Variants in TFAP2A observed in about 807,000 individuals in gnomAD.
TFAP2A encodes the protein transcription factor AP-2 alpha.
TFAP2A carries 7 observed loss-of-function variants against 41.5 expected under a neutral mutation model. The observed-to-expected ratio is 0.17, with a 90% CI of 0.10 to 0.32. The LOEUF (loss-of-function observed/expected upper bound fraction) is 0.32, where lower values mean the gene tolerates loss of function less well. TFAP2A is among the 10% of genes least tolerant of loss of function. The pLI is 1.00. For missense variants in TFAP2A, 416 were observed against 563.3 expected (o/e 0.74, Z 2.65); for synonymous variants, 247 against 242.8 (o/e 1.02, Z -0.16).
rs1009464114 is a variant in TFAP2A, at chr6:10,409,957, A to G, written c.430T>C (p.Ser144Pro). 63 of 1,571,312 alleles carry G rather than the reference A, an allele frequency of 4.0e-5. No homozygotes were observed. The highest frequency in any genetic ancestry group is 5.3e-5 in the Non-Finnish European group (61 of 1,158,530). Reference protein sequence around the residue: ...DLLHGPHALSSGLGDLSIHSL... With the variant: ...DLLHGPHALSPGLGDLSIHSL... ...TGGATCGAGAGGTCTCCGAGTCCTG[A>G]GCTGAGCGCGTGTGGGCCGTGCAGG... is the stretch of plus-strand genomic sequence containing the variant. Residue 144 changes from serine to proline, a missense_variant, in exon 2 of 7, where the codon TCA (serine) becomes CCA (proline). Physicochemically the swap from Ser to Pro is moderately conservative, Grantham distance 74. Coordinates refer to ENST00000379613, the MANE Select transcript of TFAP2A (RefSeq NM_001372066.1).
intron 4 of TFAP2A, among the ~76,000 whole-genome samples, chr6:10,403,411 G>A (rs1757510431): frequency 1.3e-5 from 2 of 152,158 alleles, no homozygotes; most frequent in Admixed American, 6.5e-5. Flanking sequence ...CTGTGTCAGT[G>A]AAAGACTACA....
At chr6:10,400,242 A>C (rs1761957857) in intron 6 of TFAP2A, among the ~76,000 whole-genome samples, 1 of 151,542 alleles carries the variant, frequency 6.6e-6, no homozygotes, top group African/African-American at 2.4e-5. Context: ...AGTAAATGGG[A>C]CAGATGAGAG....
upstream of TFAP2A, chr6:10,415,866 T>G (rs1390085240): frequency 2.0e-5 from 3 of 152,264 alleles, no homozygotes; most frequent in East Asian, 1.9e-4. Context: ...GCGGCTCCGG[T>G]GGCTCTGCTG....
In TFAP2A at chr6:10,404,490, G is replaced by T. The variant is rs781703829; in HGVS notation, c.770+18C>A. 16 of 1,545,048 alleles carry T rather than the reference G, an allele frequency of 1.0e-5. No homozygotes were observed. In the Admixed American group the frequency reaches 2.3e-4, roughly 22 times the overall value. ...CCCGGCCGCGGGGCGGGGCGGGCGGGGCCGTGCCGGGCCTCACCTCCGGAG... is the reference window on the plus strand; with the variant it reads ...CCCGGCCGCGGGGCGGGGCGGGCGGTGCCGTGCCGGGCCTCACCTCCGGAG... On this transcript the variant is annotated intron_variant, in intron 4 of 6. Coordinates refer to ENST00000379613, the MANE Select transcript of TFAP2A (RefSeq NM_001372066.1).
At chr6:10,400,938 ATTCATAAT>A in intron 5 of TFAP2A, 1 of 450,100 alleles carries the variant, frequency 2.2e-6, no homozygotes, top group Non-Finnish European at 4.2e-6. Context: ...CATAAATGAT[ATTCATAAT>A]TACTCTTTGA....
At chr6:10,406,459 C>T (rs1757716730) in intron 3 of TFAP2A, 3 of 379,508 alleles carry the variant, frequency 7.9e-6, no homozygotes, top group East Asian at 5.6e-5. Flanking sequence ...ACTTCTTAAC[C>T]TTCATCCAGG....
intron 3 of TFAP2A, chr6:10,404,969 C>T: frequency 3.4e-6 from 2 of 592,906 alleles, no homozygotes; most frequent in South Asian, 4.0e-5. Context: ...CCCCAGCCAG[C>T]CTGGCCTGCG....
At position 10,397,643 on chromosome 6, in the gene TFAP2A, A is replaced by G. The variant is rs572623022; in HGVS notation, c.*774T>C. The G allele has an allele frequency of 2.5e-5, 4 of 158,062 alleles. No homozygotes were observed. The highest frequency in any genetic ancestry group is 5.1e-5 in the Non-Finnish European group (4 of 78,006). The allele number at this position is 158,062 out of a possible 1,614,324, so 9.8% of individuals were successfully genotyped here. On this transcript the variant is annotated 3_prime_UTR_variant, in exon 7 of 7. Coordinates refer to ENST00000379613, the MANE Select transcript of TFAP2A (RefSeq NM_001372066.1). ...ATTCAAAACCCACTAAACAAGAGGT[A>G]AACAAGATCAGATAAATAAAAAAAA... is the stretch of plus-strand genomic sequence containing the variant.
rs977570587 is a variant in TFAP2A, at chr6:10,398,866, G to T, written c.1032-161C>A. Reference sequence around the variant, plus strand: ...AGACAGACAGTGTGGCCACATGTTGGGAGATCCAGCCACCTTTCAGTGACC... The same window carrying T: ...AGACAGACAGTGTGGCCACATGTTGTGAGATCCAGCCACCTTTCAGTGACC... On this transcript the variant is annotated intron_variant, in intron 6 of 6. Coordinates refer to ENST00000379613, the MANE Select transcript of TFAP2A (RefSeq NM_001372066.1). The surrounding 1 kb of genome is among the most constrained non-coding windows in gnomAD (Gnocchi z 5.3). Among the ~76,000 whole-genome samples, 3 of 152,038 alleles carry T rather than the reference G, an allele frequency of 2.0e-5. No homozygotes were observed. The highest frequency in any genetic ancestry group is 7.3e-5 in the African/African-American group (3 of 41,372).
At chr6:10,403,263 AAATT>A (rs768083380) in intron 4 of TFAP2A, among the ~76,000 whole-genome samples, 73 of 152,376 alleles carry the variant, frequency 4.8e-4, no homozygotes, top group Non-Finnish European at 7.8e-4. Flanking sequence ...ATAAAACAGC[AAATT>A]AATTAATTTC....
chr6:10,406,727 G>GC, intron 3 of TFAP2A, 66 bp downstream of exon 3: 2 of 1,370,876 alleles, frequency 1.5e-6, no homozygotes, highest in Non-Finnish European at 2.1e-6. Context: ...ACACATCTCT[G>GC]CAAGTTCTTT....
At chr6:10,411,994 C>A in intron 1 of TFAP2A, 2 of 1,076,306 alleles carry the variant, frequency 1.9e-6, no homozygotes, top group Non-Finnish European at 2.3e-6. Flanking sequence ...CTAATAACCG[C>A]GCTGGGCAGC....
chr6:10,404,900 T>C, intron 3 of TFAP2A, 161 bp from the exon 4 acceptor site: 1 of 669,454 alleles, frequency 1.5e-6, no homozygotes. Flanking sequence ...GCTACTTCCC[T>C]TCCTCGGGCT....
chr6:10,417,082 C>G (rs537894657), upstream of TFAP2A: 1 of 153,004 alleles, frequency 6.5e-6, no homozygotes, highest in Non-Finnish European at 1.5e-5. Context: ...GGAGCACCGA[C>G]ACCCTCCCAG....
intron 1 of TFAP2A, chr6:10,412,204 CGA>C: frequency 1.0e-6 from 1 of 986,766 alleles, no homozygotes; most frequent in African/African-American, 1.7e-5. Context: ...AAAAAGCGAG[CGA>C]GAGAGGGAGC....
chr6:10,411,766 G>T, intron 1 of TFAP2A: 2 of 1,473,860 alleles, frequency 1.4e-6, no homozygotes, highest in South Asian at 1.4e-5. Context: ...AGCCCGGCTC[G>T]GATCCATCCG....
Position 10,398,709 on chromosome 6 carries a change from CAGCACAAGTGG to C in TFAP2A, c.1032-15_1032-5del. On this transcript the variant is annotated splice_region_variant and splice_polypyrimidine_tract_variant and intron_variant, in intron 6 of 6. Coordinates refer to ENST00000379613, the MANE Select transcript of TFAP2A (RefSeq NM_001372066.1). This position sits in a 1 kb window ranked among gnomAD's most constrained non-coding sequence, Gnocchi z 5.3. The stretch of plus-strand genomic sequence containing the variant: ...GGTGAACTCTTTGCATATCTGTCTG[CAGCACAAGTGG>C]AGCAGAGAGAGAGACATAAGGCTCC... 1 of 1,613,952 alleles carries C rather than the reference CAGCACAAGTGG, an allele frequency of 6.2e-7. No individual in the cohort carries two copies. The highest frequency in any genetic ancestry group is 8.5e-7 in the Non-Finnish European group (1 of 1,179,926).
chr6:10,409,809 C>T (rs1373417447), intron 2 of TFAP2A, 92 bp downstream of exon 2: 1 of 1,441,540 alleles, frequency 6.9e-7, no homozygotes, highest in Non-Finnish European at 9.4e-7. Context: ...AGGGAGAACC[C>T]GGGCCCACCG....
rs765634102 is a variant in TFAP2A, at chr6:10,398,699, T to A, written c.1038A>T (p.Ile346=). ...CCAGCAGGTCGGTGAACTCTTTGCA[T>A]ATCTGTCTGCAGCACAAGTGGAGCA... ...RKNMLLATKQ[I]CKEFTDLLAQ... is the part of the protein sequence containing the mutation. The change falls in exon 7 of 7, where the codon ATA becomes ATT. Residue 346 remains isoleucine (I), a synonymous_variant. Transcript: ENST00000379613. This position sits in a 1 kb window ranked among gnomAD's most constrained non-coding sequence, Gnocchi z 5.3. 6.2e-7 allele frequency: 1 copy of A among 1,613,892 alleles called. No individual in the cohort carries two copies. The highest frequency in any genetic ancestry group is 8.5e-7 in the Non-Finnish European group (1 of 1,179,976).
Sources: gnomAD v4.1 joint callset for allele counts (sites outside exome capture counted in the v4.1 genomes callset) on GRCh38, gnomAD v4.1.1 for gene constraint, Gnocchi (gnomAD v3.1) non-coding constraint, MANE v1.5 for transcripts, NCBI Gene and HGNC (gene_info 2026-07-23, HGNC 2026-07-21) for gene names.